The following ALMS1 variants were observed in gnomAD, a reference collection of about 807,000 sequenced individuals.
ALMS1 encodes ALMS1 centrosome and basal body associated protein, also known as centrosome-associated protein ALMS1.
ALMS1 carries 271 observed loss-of-function variants against 352.2 expected under a neutral mutation model. That is an observed-to-expected ratio of 0.77 (90% CI 0.70 to 0.85). ALMS1 has a LOEUF of 0.85. ALMS1 is among the 40% of genes least tolerant of loss of function. ALMS1 has a pLI of 0.00. For synonymous variants in ALMS1, 1,865 were observed against 1,761.2 expected, an observed-to-expected ratio of 1.06 and a Z score of -1.48; for missense variants, 5,445 against 4,870.7, an observed-to-expected ratio of 1.12 and a Z score of -3.51.
chr2:73,551,460 G>T (rs562571364), intron 13 of ALMS1, among the ~76,000 whole-genome samples: 4 of 124,348 alleles, frequency 3.2e-5, no homozygotes, highest in African/African-American at 1.3e-4. Flanking sequence ...TTTTGAGTTG[G>T]AGTTGCGATC....
At chr2:73,508,066 T>C (rs1673369309) in intron 10 of ALMS1, among the ~76,000 whole-genome samples, 1 of 152,120 alleles carries the variant, frequency 6.6e-6, no homozygotes, top group Non-Finnish European at 1.5e-5. Flanking sequence ...GGTTATTTAG[T>C]TTCCATGTAG....
intron 6 of ALMS1, 61 bp downstream of exon 6, chr2:73,426,614 A>G: frequency 6.6e-7 from 1 of 1,514,302 alleles, no homozygotes; most frequent in East Asian, 2.3e-5. Flanking sequence ...TGTTTCAGGA[A>G]ATGGTATTGT....
At chr2:73,503,496 C>T (rs576655641) in intron 10 of ALMS1, among the ~76,000 whole-genome samples, 21 of 152,232 alleles carry the variant, frequency 1.4e-4, no homozygotes, top group East Asian at 5.8e-4. Flanking sequence ...TCCAGTCTAT[C>T]GTTGTTGGAC....
intron 6 of ALMS1, among the ~76,000 whole-genome samples, chr2:73,427,591 A>G (rs890476145): frequency 6.6e-6 from 1 of 151,974 alleles, no homozygotes; most frequent in Non-Finnish European, 1.5e-5. Flanking sequence ...GCACCTATCA[A>G]CCTGTCATCT....
intron 16 of ALMS1, among the ~76,000 whole-genome samples, chr2:73,582,899 G>C (rs1675216098): frequency 6.6e-6 from 1 of 152,172 alleles, no homozygotes; most frequent in African/African-American, 2.4e-5. Context: ...CCCAGAAGAA[G>C]GATTGCCAGA....
chr2:73,541,015 A>G (rs986636429), intron 12 of ALMS1, among the ~76,000 whole-genome samples: 1 of 152,182 alleles, frequency 6.6e-6, no homozygotes, highest in Non-Finnish European at 1.5e-5. Context: ...CTCTGCATGA[A>G]GCAGACCTAA....
At chr2:73,463,817 C>A (rs1672263041) in intron 9 of ALMS1, among the ~76,000 whole-genome samples, 1 of 147,156 alleles carries the variant, frequency 6.8e-6, no homozygotes, top group Non-Finnish European at 1.5e-5. Flanking sequence ...ACTACAAACA[C>A]CTCTATGCAA....
intron 16 of ALMS1, among the ~76,000 whole-genome samples, chr2:73,596,582 C>A (rs768260640): frequency 2.0e-5 from 3 of 151,536 alleles, no homozygotes; most frequent in Non-Finnish European, 4.4e-5. Context: ...AGCGATTCTT[C>A]TGCTTCAGCC....
At chr2:73,464,846 G>A (rs1011138406) in intron 9 of ALMS1, among the ~76,000 whole-genome samples, 8 of 152,040 alleles carry the variant, frequency 5.3e-5, no homozygotes, top group East Asian at 1.9e-4. Context: ...CCCATTCACA[G>A]TTGCTTCAAA....
At chr2:73,466,245 G>C (rs1469481173) in intron 9 of ALMS1, among the ~76,000 whole-genome samples, 2 of 152,018 alleles carry the variant, frequency 1.3e-5, no homozygotes, top group Non-Finnish European at 2.9e-5. Flanking sequence ...AAATGTCCAA[G>C]AATGATAGAC....
intron 11 of ALMS1, among the ~76,000 whole-genome samples, chr2:73,524,950 T>C (rs1393811769): frequency 6.6e-6 from 1 of 152,202 alleles, no homozygotes; most frequent in Non-Finnish European, 1.5e-5. Context: ...AATTCAGTTG[T>C]TTTAATTTTT....
chr2:73,579,151 C>T (rs1419691780), intron 16 of ALMS1, among the ~76,000 whole-genome samples: 1 of 150,214 alleles, frequency 6.7e-6, no homozygotes, highest in Non-Finnish European at 1.5e-5. Flanking sequence ...CCTCCACCTC[C>T]CGGGTTCCAG....
chr2:73,420,862 C>G (rs973932573), intron 3 of ALMS1, among the ~76,000 whole-genome samples: 1 of 152,150 alleles, frequency 6.6e-6, no homozygotes, highest in Non-Finnish European at 1.5e-5. Flanking sequence ...TAAATAGGCT[C>G]TCGCCAATGG....
At chr2:73,478,934 G>A (rs375129749) in intron 9 of ALMS1, among the ~76,000 whole-genome samples, 2 of 152,070 alleles carry the variant, frequency 1.3e-5, no homozygotes, top group African/African-American at 4.8e-5. Flanking sequence ...GTGAGAACAC[G>A]TGGTGTTTGG....
At chr2:73,483,642 C>T (rs1672762019) in intron 9 of ALMS1, among the ~76,000 whole-genome samples, 2 of 151,414 alleles carry the variant, frequency 1.3e-5, no homozygotes, top group African/African-American at 4.9e-5. Flanking sequence ...GACTTTCTGT[C>T]TCGTTGATCT....
At chr2:73,387,591 C>G (rs115237667) in intron 1 of ALMS1, among the ~76,000 whole-genome samples, 1,702 of 152,212 alleles carry the variant, frequency 0.011, 31 homozygotes, top group African/African-American at 0.038. Context: ...CAGAAGCCAA[C>G]GTGGTTTGAG....
intron 11 of ALMS1, 86 bp downstream of exon 11, chr2:73,520,102 C>A: frequency 6.5e-7 from 1 of 1,546,806 alleles, no homozygotes; most frequent in Non-Finnish European, 8.9e-7. Context: ...TCTTTCTAGT[C>A]AGAAAACCTA....
At chr2:73,388,914 G>C (rs537211871) in intron 1 of ALMS1, among the ~76,000 whole-genome samples, 5 of 152,092 alleles carry the variant, frequency 3.3e-5, no homozygotes, top group Non-Finnish European at 5.9e-5. Flanking sequence ...GCCTGGCTCA[G>C]ATGTCTTTTT....
At chr2:73,569,277 A>C (rs897011166) in intron 15 of ALMS1, among the ~76,000 whole-genome samples, 13 of 151,848 alleles carry the variant, frequency 8.6e-5, no homozygotes, top group Admixed American at 5.9e-4. Flanking sequence ...GGCCTTCCAA[A>C]GTGCTGGGAT....
Sources: gnomAD v4.1 joint callset for allele counts (sites outside exome capture counted in the v4.1 genomes callset) on GRCh38, gnomAD v4.1.1 for gene constraint, MANE v1.5 for transcripts, NCBI Gene and HGNC (gene_info 2026-07-23, HGNC 2026-07-21) for gene names.